Variants in LRBA observed in about 807,000 individuals in gnomAD.
LRBA encodes LPS responsive beige-like anchor protein, also known as lipopolysaccharide-responsive and beige-like anchor protein.
LRBA carries 176 observed loss-of-function variants against 330.0 expected under a neutral mutation model. The ratio of observed to expected loss-of-function variants is 0.53; its 90% CI spans 0.47 to 0.60. The LOEUF is 0.60. Ranked by LOEUF, LRBA falls within the 20% of genes least tolerant of loss-of-function variation. The pLI, the probability that LRBA is intolerant of heterozygous loss-of-function variation, is 0.00. For synonymous variants in LRBA, 1,230 were observed against 1,193.0 expected (o/e 1.03, Z -0.64); for missense variants, 3,259 against 3,444.8 (o/e 0.95, Z 1.35).
chr4:150,817,252 A>T lies in LRBA; in HGVS notation c.5177T>A (p.Val1726Asp). 1 of 1,611,660 alleles carries T rather than the reference A, an allele frequency of 6.2e-7. No individual in the cohort carries two copies. Among genetic ancestry groups the T allele is most frequent in the Non-Finnish European group, 8.5e-7 (1 of 1,178,318 alleles). ...PVQFRSFDRSVIVAAKKSAVS... is the reference protein window; with the variant it reads ...PVQFRSFDRSDIVAAKKSAVS... The stretch of plus-strand genomic sequence containing the variant: ...TGCTGACTTTTTTGCTGCAACAATG[A>T]CACTTCTGTAATAAAGAAAGTAAAC... The change falls in exon 31 of 57, where the codon GTC becomes GAC. Residue 1726 changes from valine to aspartate, a missense_variant. Physicochemically the swap from Val to Asp is radical, Grantham distance 152. Coordinates refer to ENST00000651943, the MANE Select transcript of LRBA (RefSeq NM_001364905.1).
chr4:150,437,369 A>C (rs1751250002), intron 44 of LRBA, among the ~76,000 whole-genome samples: 1 of 151,704 alleles, frequency 6.6e-6, no homozygotes, highest in African/African-American at 2.4e-5. Context: ...GAAACTAGAA[A>C]TTTCTACTAG....
chr4:150,822,849 A>AGTGATG (rs1745661558), intron 30 of LRBA, among the ~76,000 whole-genome samples: 1 of 152,214 alleles, frequency 6.6e-6, no homozygotes. Flanking sequence ...GTTTGAGACC[A>AGTGATG]GCCTGGCCAA....
chr4:150,783,054 G>A (rs962379547), intron 34 of LRBA, among the ~76,000 whole-genome samples: 2 of 152,144 alleles, frequency 1.3e-5, no homozygotes, highest in Non-Finnish European at 2.9e-5. Flanking sequence ...CTATCAGGCT[G>A]CAATAAACTG....
chr4:150,335,545 T>TATAC (rs1734607487), intron 48 of LRBA, among the ~76,000 whole-genome samples: 1 of 149,282 alleles, frequency 6.7e-6, no homozygotes, highest in African/African-American at 2.5e-5. Flanking sequence ...TATATATATA[T>TATAC]ACACACACAC....
At chr4:150,891,638 T>A (rs1729475677) in intron 17 of LRBA, among the ~76,000 whole-genome samples, 1 of 152,168 alleles carries the variant, frequency 6.6e-6, no homozygotes, top group Non-Finnish European at 1.5e-5. Flanking sequence ...AGCCTGCCTA[T>A]CCTATGGATT....
intron 28 of LRBA, among the ~76,000 whole-genome samples, chr4:150,834,976 C>G (rs562751611): frequency 6.6e-5 from 10 of 152,178 alleles, no homozygotes; most frequent in African/African-American, 2.4e-4. Context: ...TGAATTAATG[C>G]TTGTATAAGG....
intron 36 of LRBA, among the ~76,000 whole-genome samples, chr4:150,685,411 TATATATATA>T (rs1260703799): frequency 2.5e-4 from 5 of 19,804 alleles, no homozygotes; most frequent in African/African-American, 8.8e-4. Flanking sequence ...TATATATATA[TATATATATA>T]TTTTTTTTTT....
chr4:150,680,453 T>G (rs567467169), intron 37 of LRBA, among the ~76,000 whole-genome samples: 2 of 152,194 alleles, frequency 1.3e-5, no homozygotes, highest in Non-Finnish European at 2.9e-5. Context: ...TCAAAAGATA[T>G]TAGATGCCTG....
chr4:150,774,687 C>T lies in LRBA; in HGVS notation c.5581-12840G>A, dbSNP rs149289908. On this transcript the variant is annotated intron_variant, in intron 34 of 56. Coordinates refer to ENST00000651943, the MANE Select transcript of LRBA (RefSeq NM_001364905.1). ...AAAAGCCTGACATTGTGAAAAGACA[C>T]ATATATGTGTGGACCTGGTTACTTC... 1.0e-3 allele frequency among the ~76,000 whole-genome samples: 154 copies of T among 152,182 alleles called. 1 individual carries two copies. Among genetic ancestry groups the T allele is most frequent in the African/African-American group, 3.3e-3 (135 of 41,512 alleles).
chr4:150,872,624 T>C lies in LRBA; in HGVS notation c.2258+39A>G, dbSNP rs763682295. 1.7e-5 allele frequency: 22 copies of C among 1,263,820 alleles called. No homozygotes were observed. The South Asian group carries it at 2.8e-4, about 16-fold the overall frequency. 78.3% of individuals were successfully genotyped at this position (1,263,820 alleles called of 1,614,324 possible). ...TGCAAAGATTTATAAAATAAATAAG[T>C]AGAATACAACAGTCCATCTTAGATT... On this transcript the variant is annotated intron_variant, in intron 18 of 56. Transcript: ENST00000651943.
At chr4:150,612,186 A>C (rs952739068) in intron 37 of LRBA, among the ~76,000 whole-genome samples, 6 of 152,184 alleles carry the variant, frequency 3.9e-5, no homozygotes, top group Non-Finnish European at 8.8e-5. Flanking sequence ...TGTAAGTAAC[A>C]GGAAGACAAG....
chr4:150,576,180 A>G (rs1003060370), intron 40 of LRBA, among the ~76,000 whole-genome samples: 1 of 140,380 alleles, frequency 7.1e-6, no homozygotes. Flanking sequence ...AAAAAAAAGG[A>G]GGAGGGGAGA....
At chr4:150,294,107 C>G (rs548070274) in intron 53 of LRBA, among the ~76,000 whole-genome samples, 1 of 152,176 alleles carries the variant, frequency 6.6e-6, no homozygotes, top group Non-Finnish European at 1.5e-5. Context: ...GGGGTTGGCA[C>G]CCCGACTCCT....
At chr4:150,688,899 G>A (rs1033607076) in intron 36 of LRBA, among the ~76,000 whole-genome samples, 2 of 152,154 alleles carry the variant, frequency 1.3e-5, no homozygotes, top group Non-Finnish European at 2.9e-5. Flanking sequence ...AAGACAGTGT[G>A]GCAATTTCTC....
At chr4:150,292,996 A>T (rs1339818379) in intron 53 of LRBA, among the ~76,000 whole-genome samples, 3 of 152,148 alleles carry the variant, frequency 2.0e-5, no homozygotes, top group Non-Finnish European at 2.9e-5. Context: ...CTGGCTTTAT[A>T]AAAAAAGTAA....
chr4:150,534,569 CA>C (rs1427219123), intron 40 of LRBA, among the ~76,000 whole-genome samples: 1 of 151,670 alleles, frequency 6.6e-6, no homozygotes, highest in Non-Finnish European at 1.5e-5. Flanking sequence ...GTAAACTGTA[CA>C]AAACAAAACA....
Position 150,844,719 on chromosome 4 carries a change from C to T in LRBA, c.4400G>A (p.Arg1467Lys), listed in dbSNP as rs1578973790. 1 of 1,613,110 alleles carries T rather than the reference C, an allele frequency of 6.2e-7. No homozygotes were observed. The highest frequency in any genetic ancestry group is 1.7e-4 in the Middle Eastern group (1 of 6,060). The part of the protein sequence containing the change: ...ECQQHSQLKT[R>K]GDKALKPMHS... ...CATTGGTTTCAAGGCTTTATCTCCC[C>T]TAGTTTTCAGTTGTGAATGCTGTTG... is the stretch of plus-strand genomic sequence containing the variant. The change falls in exon 27 of 57, where the codon AGG becomes AAG. Residue 1467 changes from arginine to lysine, a missense_variant. Physicochemically the swap from Arg to Lys is conservative, Grantham distance 26. Coordinates refer to ENST00000651943, the MANE Select transcript of LRBA (RefSeq NM_001364905.1).
chr4:150,435,671 C>G lies in LRBA; in HGVS notation c.6959G>C (p.Gly2320Ala). 1 of 1,611,416 alleles carries G rather than the reference C, an allele frequency of 6.2e-7. No homozygotes were observed. The highest frequency in any genetic ancestry group is 8.5e-7 in the Non-Finnish European group (1 of 1,179,024). ...FTTYFLNLQG[G>A]KFDHADRTFS... ...AGTTCGATCTGCATGATCAAATTTG[C>G]CTCCTTGCAAATTTAGGAAATAAGT... The change falls in exon 46 of 57, where the codon GGC becomes GCC. Residue 2320 changes from glycine (G) to alanine (A), a missense_variant. Coordinates refer to ENST00000651943, the MANE Select transcript of LRBA (RefSeq NM_001364905.1).
chr4:150,944,023 G>A lies in LRBA; in HGVS notation c.217-14958C>T, dbSNP rs546294941. ...CAGCCAGCACCAACTTGCCAGTCAT[G>A]TAAGTAACCCTGAAAGCAAGTCCTC... On this transcript the variant is annotated intron_variant, in intron 2 of 56. Transcript: ENST00000651943. Among the ~76,000 whole-genome samples, 10 of 152,320 alleles carry A rather than the reference G, an allele frequency of 6.6e-5. 1 individual carries two copies. In the South Asian group the frequency reaches 2.1e-3, roughly 32 times the overall value.
Sources: gnomAD v4.1 joint callset for allele counts (sites outside exome capture counted in the v4.1 genomes callset) on GRCh38, gnomAD v4.1.1 for gene constraint, MANE v1.5 for transcripts, NCBI Gene and HGNC (gene_info 2026-07-23, HGNC 2026-07-21) for gene names.